Variants in PRKG1 observed in about 807,000 individuals in gnomAD.
PRKG1 encodes protein kinase cGMP-dependent 1, also known as cGMP-dependent protein kinase 1.
In PRKG1, 35 loss-of-function variants were observed where a neutral mutation model predicts 88.1. The observed-to-expected ratio is 0.40, with a 90% CI of 0.30 to 0.53. PRKG1 has a LOEUF of 0.53. Among genes scored for constraint, PRKG1 ranks in the 20% least tolerant of loss-of-function variants. The pLI, the probability that PRKG1 is intolerant of heterozygous loss-of-function variation, is 0.59. For synonymous variants in PRKG1, 303 were observed against 292.5 expected, an observed-to-expected ratio of 1.04 and a Z score of -0.37; for missense variants, 540 against 839.8, an observed-to-expected ratio of 0.64 and a Z score of 4.41.
chr10:51,817,354 C>CA (rs796742494), intron 4 of PRKG1, among the ~76,000 whole-genome samples: 1 of 148,950 alleles, frequency 6.7e-6, no homozygotes, highest in Non-Finnish European at 1.5e-5. Context: ...CCAACCCCCC[C>CA]CCTCCCCTGA....
chr10:51,451,277 G>A (rs938737181), intron 2 of PRKG1, among the ~76,000 whole-genome samples: 1 of 55,894 alleles, frequency 1.8e-5, no homozygotes, highest in East Asian at 2.5e-4. Context: ...CATACAGTAA[G>A]TAAACTTTTT....
At chr10:51,786,877 T>A (rs149520178) in intron 3 of PRKG1, among the ~76,000 whole-genome samples, 35 of 152,300 alleles carry the variant, frequency 2.3e-4, no homozygotes, top group Non-Finnish European at 3.7e-4. Context: ...AGAAATTCAG[T>A]CAGACTGCTT....
chr10:52,047,132 A>T (rs1296819943), intron 5 of PRKG1, among the ~76,000 whole-genome samples: 1 of 152,162 alleles, frequency 6.6e-6, no homozygotes, highest in East Asian at 1.9e-4. Flanking sequence ...GAAAATTAGA[A>T]AAAGTGTTCC....
chr10:51,162,363 G>A (rs918740289), intron 2 of PRKG1, among the ~76,000 whole-genome samples: 1 of 151,974 alleles, frequency 6.6e-6, no homozygotes, highest in Admixed American at 6.6e-5. Context: ...AACCACTGTA[G>A]CTTTGGAAGG....
At chr10:51,994,342 T>C (rs1421128795) in intron 5 of PRKG1, among the ~76,000 whole-genome samples, 1 of 152,184 alleles carries the variant, frequency 6.6e-6, no homozygotes, top group African/African-American at 2.4e-5. Flanking sequence ...CTCGTGGCCC[T>C]ATATTGCTGA....
intron 5 of PRKG1, among the ~76,000 whole-genome samples, chr10:51,921,140 A>G (rs1006823233): frequency 2.0e-5 from 3 of 152,014 alleles, no homozygotes; most frequent in African/African-American, 7.2e-5. Flanking sequence ...CCACCTACTT[A>G]TCCCCTCTCT....
At chr10:51,946,271 A>G (rs754250884) in intron 5 of PRKG1, among the ~76,000 whole-genome samples, 54 of 152,098 alleles carry the variant, frequency 3.6e-4, no homozygotes, top group Admixed American at 8.5e-4. Context: ...AGCCTTCTGC[A>G]TTCTTCCCAT....
At chr10:51,149,611 T>C (rs1229177787) in intron 1 of PRKG1, among the ~76,000 whole-genome samples, 1 of 152,166 alleles carries the variant, frequency 6.6e-6, no homozygotes, top group Non-Finnish European at 1.5e-5. Context: ...CCTCATGAAA[T>C]TTTTAAGGAA....
rs187857883 is a variant in PRKG1, at chr10:51,016,603, A to G, written c.266+24959A>G. 3.3e-5 allele frequency among the ~76,000 whole-genome samples: 5 copies of G among 150,766 alleles called. No homozygotes were observed. The East Asian group carries it at 9.7e-4, about 29-fold the overall frequency. ...TCTATATAAGGCATTACAGTTTATAATGCAGTTTTATATTATTTCATTTCA... is the reference window on the plus strand; with the variant it reads ...TCTATATAAGGCATTACAGTTTATAGTGCAGTTTTATATTATTTCATTTCA... On this transcript the variant is annotated intron_variant, in intron 1 of 17. Coordinates refer to the PRKG1 transcript ENST00000401604.
At chr10:52,251,131 G>A (rs1359387821) in intron 9 of PRKG1, among the ~76,000 whole-genome samples, 2 of 152,084 alleles carry the variant, frequency 1.3e-5, no homozygotes, top group Admixed American at 1.3e-4. Context: ...AGGAGGCACT[G>A]CCAGCCTGTG....
At chr10:51,807,812 A>G (rs963472725) in intron 4 of PRKG1, among the ~76,000 whole-genome samples, 1 of 152,004 alleles carries the variant, frequency 6.6e-6, no homozygotes. Flanking sequence ...TTTCGGGGGG[A>G]AAAAGGAGTC....
At chr10:51,052,621 C>T (rs1310738752) in intron 1 of PRKG1, among the ~76,000 whole-genome samples, 1 of 152,132 alleles carries the variant, frequency 6.6e-6, no homozygotes, top group Admixed American at 6.5e-5. Context: ...AACTTTGTTT[C>T]GTGTAAAGAA....
At chr10:52,010,599 C>A (rs977409050) in intron 5 of PRKG1, among the ~76,000 whole-genome samples, 1 of 151,888 alleles carries the variant, frequency 6.6e-6, no homozygotes, top group Non-Finnish European at 1.5e-5. Flanking sequence ...ACATGAACAC[C>A]CTGAATGTAA....
At chr10:51,344,858 G>C (rs1363142947) in intron 2 of PRKG1, among the ~76,000 whole-genome samples, 2 of 152,224 alleles carry the variant, frequency 1.3e-5, no homozygotes, top group South Asian at 4.1e-4. Flanking sequence ...CTTTGCCCCC[G>C]ATGAATTAGT....
intron 7 of PRKG1, among the ~76,000 whole-genome samples, chr10:52,069,539 A>AAAC (rs1398771772): frequency 1.1e-4 from 14 of 129,896 alleles, no homozygotes; most frequent in African/African-American, 3.3e-4. Context: ...CAAAAACAAA[A>AAAC]AAGAAAAGAT....
chr10:51,719,142 C>A (rs1841954511), intron 3 of PRKG1, among the ~76,000 whole-genome samples: 1 of 126,720 alleles, frequency 7.9e-6, no homozygotes, highest in South Asian at 2.4e-4. Flanking sequence ...AGAGCAATAT[C>A]CTGTCTCAAA....
At chr10:51,908,125 G>A (rs6480565) in intron 5 of PRKG1, 114,173 of 152,142 alleles carry the variant, frequency 0.75, 43,356 homozygotes, top group African/African-American at 0.87. Flanking sequence ...GCAGGAGGAA[G>A]TTTTTCTGTT....
At chr10:51,950,371 T>C (rs1315253974) in intron 5 of PRKG1, among the ~76,000 whole-genome samples, 2 of 152,236 alleles carry the variant, frequency 1.3e-5, no homozygotes, top group African/African-American at 4.8e-5. Flanking sequence ...ATAAAACTTG[T>C]TTAAAATTAC....
At chr10:51,381,480 T>C (rs985001812) in intron 2 of PRKG1, among the ~76,000 whole-genome samples, 2 of 151,928 alleles carry the variant, frequency 1.3e-5, no homozygotes, top group African/African-American at 4.8e-5. Context: ...ATGGAGAGCT[T>C]AGTTGCTAAA....
Sources: gnomAD v4.1 joint callset for allele counts (sites outside exome capture counted in the v4.1 genomes callset) on GRCh38, gnomAD v4.1.1 for gene constraint, MANE v1.5 for transcripts, NCBI Gene and HGNC (gene_info 2026-07-23, HGNC 2026-07-21) for gene names.